The following YIPF3 variants were observed in gnomAD, a reference collection of about 807,000 sequenced individuals.
The protein encoded by YIPF3 is Yip1 domain family member 3, also known as protein YIPF3.
YIPF3 carries 18 observed loss-of-function variants against 40.3 expected under a neutral mutation model. The ratio of observed to expected loss-of-function variants is 0.45; its 90% CI spans 0.31 to 0.66. YIPF3 has a LOEUF of 0.66. YIPF3 is among the 30% of genes least tolerant of loss of function. The pLI, the probability that YIPF3 is intolerant of heterozygous loss-of-function variation, is 0.07. For synonymous variants in YIPF3, 190 were observed against 179.6 expected, an observed-to-expected ratio of 1.06 and a Z score of -0.46; for missense variants, 406 against 452.2, an observed-to-expected ratio of 0.90 and a Z score of 0.93.
intron 3 of YIPF3, chr6:43,513,936 C>G: frequency 3.8e-6 from 1 of 265,714 alleles, no homozygotes; most frequent in Non-Finnish European, 7.1e-6. Flanking sequence ...ATCCGTCTGC[C>G]CCCTCCCCTT....
chr6:43,512,131 G>A lies in YIPF3; in HGVS notation c.*36C>T, dbSNP rs1304126340. 1.9e-6 allele frequency: 3 copies of A among 1,613,632 alleles called. No individual in the cohort carries two copies. Among genetic ancestry groups the A allele is most frequent in the Non-Finnish European group, 2.5e-6 (3 of 1,179,740 alleles). The stretch of plus-strand genomic sequence containing the variant: ...AATAGTCTTCCTCCTCTCTGCAGCT[G>A]CGGGAAAGAGGACTGGCCAAGAATT... On this transcript the variant is annotated 3_prime_UTR_variant, in exon 9 of 9. Transcript: ENST00000372422.
Position 43,511,846 on chromosome 6 carries a change from C to A in YIPF3, c.*321G>T, listed in dbSNP as rs994928339. On this transcript the variant is annotated 3_prime_UTR_variant, in exon 9 of 9. Coordinates refer to ENST00000372422, the MANE Select transcript of YIPF3 (RefSeq NM_015388.4). ...AGCCGCTGCAGTTCCAGACTTCAAT[C>A]AACATTTTAATTACCAAGTCTATAT... 3.1e-6 allele frequency: 1 copy of A among 319,566 alleles called. No individual in the cohort carries two copies. Among genetic ancestry groups the A allele is most frequent in the Admixed American group, 4.7e-5 (1 of 21,206 alleles). The allele number at this position is 319,566 out of a possible 1,614,324, so 19.8% of individuals were successfully genotyped here.
At chr6:43,515,089 C>T (rs1265788207) in intron 3 of YIPF3, 5 of 342,496 alleles carry the variant, frequency 1.5e-5, no homozygotes, top group African/African-American at 1.1e-4. Context: ...GCCTCCGCCT[C>T]CCAGGTTCAT....
In YIPF3 at chr6:43,513,075, T is replaced by C. The variant is rs1792705346; in HGVS notation, c.660A>G (p.Ala220=). Residue 220 remains alanine (A), a synonymous_variant, in exon 6 of 9, where the codon GCA becomes GCG. Coordinates refer to ENST00000372422, the MANE Select transcript of YIPF3 (RefSeq NM_015388.4). The part of the protein sequence containing the change: ...NAQITMLQML[A]LLGYGLFGHC... ...ACCACACCTGGCTCCTTACCAGCAG[T>C]GCCAACATCTGCAGCATGGTGATCT... 1 of 1,613,874 alleles carries C rather than the reference T, an allele frequency of 6.2e-7. No homozygotes were observed. Among genetic ancestry groups the C allele is most frequent in the Non-Finnish European group, 8.5e-7 (1 of 1,179,998 alleles).
rs781472713 is a variant in YIPF3 at position 43,513,577 on chromosome 6, C to CCTCTATTCACCTGGGGGAAG, written c.432_441+10dup. On this transcript the variant is annotated intron_variant, in intron 4 of 8. Transcript: ENST00000372422. Reference sequence around the variant, plus strand: ...TCCCCCGGCTCTCCAGACATGCCACCCTCTATTCACCTGGGGGAAGTTGAC... The same window carrying CCTCTATTCACCTGGGGGAAG: ...TCCCCCGGCTCTCCAGACATGCCACCCTCTATTCACCTGGGGGAAGCTCTATTCACCTGGGGGAAGTTGAC... The CCTCTATTCACCTGGGGGAAG allele has an allele frequency of 3.8e-6, 6 of 1,586,518 alleles. No individual in the cohort carries two copies. The highest frequency in any genetic ancestry group is 5.1e-6 in the Non-Finnish European group (6 of 1,165,460).
rs202171290 is a variant in YIPF3, at chr6:43,512,322, G to C, written c.905-7C>G. 84 of 1,610,564 alleles carry C rather than the reference G, an allele frequency of 5.2e-5. 1 individual carries two copies. Among genetic ancestry groups the C allele is most frequent in the Middle Eastern group, 5.0e-4 (3 of 6,042 alleles). On this transcript the variant is annotated splice_polypyrimidine_tract_variant and splice_region_variant and intron_variant, in intron 8 of 8. Transcript: ENST00000372422. ...TCCAGTGTGTCCAGGATCCCTGGAA[G>C]GAAGATGGAAGGTGAGCGAGGATCA...
chr6:43,513,035 A>C (rs1358386936), intron 6 of YIPF3, 34 bp downstream of exon 6: 2 of 1,612,416 alleles, frequency 1.2e-6, no homozygotes, highest in South Asian at 2.2e-5. Context: ...ACTCTTTTTA[A>C]CATCACTCTT....
In YIPF3 at chr6:43,512,535, C is replaced by A; in HGVS notation, c.809G>T (p.Gly270Val). 3 of 1,612,320 alleles carry A rather than the reference C, an allele frequency of 1.9e-6. No individual in the cohort carries two copies. Among genetic ancestry groups the A allele is most frequent in the Non-Finnish European group, 2.5e-6 (3 of 1,179,800 alleles). The change falls in exon 8 of 9, where the codon GGC becomes GTC. Residue 270 changes from glycine (G) to valine (V), a missense_variant. Gly to Val is a moderately radical substitution (Grantham distance 109, BLOSUM62 -3). Coordinates refer to ENST00000372422, the MANE Select transcript of YIPF3 (RefSeq NM_015388.4). Reference sequence around the variant, plus strand: ...ACAGAGGAGCAGCCGCTGTGTGGGGCCCACGGTCCGAGACACCAACACTGC... The same window carrying A: ...ACAGAGGAGCAGCCGCTGTGTGGGGACCACGGTCCGAGACACCAACACTGC... ...MVAVLVSRTVGPTQRLLLCGT... is the reference protein window; with the variant it reads ...MVAVLVSRTVVPTQRLLLCGT...
Position 43,515,906 on chromosome 6 carries a change from G to A in YIPF3, c.271C>T (p.Arg91Trp). Reference protein sequence around the residue: ...GMKGFKGQLSRQVADQMWQAG... With the variant: ...GMKGFKGQLSWQVADQMWQAG... ...TTGCTTACCTGATCTGCCACCTGCC[G>A]GCTCAGCTGTCCCTTAAAGCCCTTC... is the stretch of plus-strand genomic sequence containing the variant. Residue 91 changes from arginine to tryptophan, a missense_variant, in exon 2 of 9, where the codon CGG becomes TGG. Physicochemically the swap from Arg to Trp is moderately radical, Grantham distance 101. Transcript: ENST00000372422. 1 of 1,599,390 alleles carries A rather than the reference G, an allele frequency of 6.3e-7. No individual in the cohort carries two copies. The highest frequency in any genetic ancestry group is 8.5e-7 in the Non-Finnish European group (1 of 1,170,812).
intron 3 of YIPF3, chr6:43,515,226 T>G (rs1792762608): frequency 4.4e-6 from 2 of 458,212 alleles, no homozygotes; most frequent in Admixed American, 2.4e-5. Context: ...TCTCCTGACC[T>G]TGTGATCCGC....
rs1475160128 is a variant in YIPF3, at chr6:43,513,597, G to A, written c.432C>T (p.Asn144=). Residue 144 remains asparagine, a synonymous_variant, in exon 4 of 9, where the codon AAC becomes AAT. Transcript: ENST00000372422. ...GCCACCCTCTATTCACCTGGGGGAAGTTGACCATCTTGATAGGGATCATGG... is the reference window on the plus strand; with the variant it reads ...GCCACCCTCTATTCACCTGGGGGAAATTGACCATCTTGATAGGGATCATGG... The part of the protein sequence containing the change: ...LESMIPIKMV[N]FPQKIAGELY... 1 of 1,581,816 alleles carries A rather than the reference G, an allele frequency of 6.3e-7. No homozygotes were observed. The highest frequency in any genetic ancestry group is 8.6e-7 in the Non-Finnish European group (1 of 1,163,296).
At chr6:43,513,002 C>T in intron 6 of YIPF3, 67 bp downstream of exon 6, 1 of 1,602,706 alleles carries the variant, frequency 6.2e-7, no homozygotes, top group Non-Finnish European at 8.5e-7. Context: ...GGCCCCAGGA[C>T]AGATGCCGAC....
At position 43,516,108 on chromosome 6, in the gene YIPF3, T is replaced by C; in HGVS notation, c.82-13A>G. On this transcript the variant is annotated splice_polypyrimidine_tract_variant and intron_variant, in intron 1 of 8. Transcript: ENST00000372422. ...CTGAGCCTCCGCCCTGTGAAGACAA[T>C]GGCTCCTAGAGTGCAGGACTTTTCT... 1 of 1,614,092 alleles carries C rather than the reference T, an allele frequency of 6.2e-7. No individual in the cohort carries two copies. The highest frequency in any genetic ancestry group is 8.5e-7 in the Non-Finnish European group (1 of 1,179,998).
In YIPF3 at chr6:43,515,645, G is replaced by A. The variant is rs1792794195; in HGVS notation, c.345C>T (p.Ile115=). 1 of 1,613,944 alleles carries A rather than the reference G, an allele frequency of 6.2e-7. No individual in the cohort carries two copies. Among genetic ancestry groups the A allele is most frequent in the Non-Finnish European group, 8.5e-7 (1 of 1,180,046 alleles). The change falls in exon 3 of 9, where the codon ATC becomes ATT. Residue 115 remains isoleucine, a synonymous_variant. Transcript: ENST00000372422. The part of the protein sequence containing the change: ...ASRAFSLYAN[I]DILRPYFDVE... The stretch of plus-strand genomic sequence containing the variant: ...CATCAAAGTAGGGTCTGAGGATGTC[G>A]ATGTTGGCGTACAAGCTGAAGGCCC...
chr6:43,513,812 C>T (rs564062022), intron 3 of YIPF3, 179 bp from the exon 4 acceptor site: 131 of 551,054 alleles, frequency 2.4e-4, no homozygotes, highest in Admixed American at 8.7e-4. Flanking sequence ...AAATCATTTC[C>T]TTGCCCCTAA....
intron 3 of YIPF3, among the ~76,000 whole-genome samples, chr6:43,514,318 G>A (rs1286209845): frequency 3.3e-5 from 5 of 152,176 alleles, no homozygotes; most frequent in Non-Finnish European, 5.9e-5. Context: ...TTATAATGAG[G>A]AAGCCCTGGG....
At position 43,512,188 on chromosome 6, in the gene YIPF3, C is replaced by T. The variant is rs562000430; in HGVS notation, c.1032G>A (p.Ala344=). The part of the protein sequence containing the change: ...TVLNATAKAV[A]VTLQSH ...GGGGTCAGTGTGACTGCAGGGTCACCGCAACAGCTTTGGCTGTGGCGTTGA... is the reference window on the plus strand; with the variant it reads ...GGGGTCAGTGTGACTGCAGGGTCACTGCAACAGCTTTGGCTGTGGCGTTGA... Residue 344 remains alanine (A), a synonymous_variant, in exon 9 of 9, where the codon GCG becomes GCA. Coordinates refer to ENST00000372422, the MANE Select transcript of YIPF3 (RefSeq NM_015388.4). 180 of 1,614,164 alleles carry T rather than the reference C, an allele frequency of 1.1e-4. 4 individuals are homozygous for T. The highest frequency in any genetic ancestry group is 1.0e-3 in the South Asian group (92 of 91,076).
intron 3 of YIPF3, among the ~76,000 whole-genome samples, chr6:43,514,065 C>T (rs933087639): frequency 6.6e-6 from 1 of 152,192 alleles, no homozygotes; most frequent in Non-Finnish European, 1.5e-5. Flanking sequence ...TATGGTGAAA[C>T]CCTGTCTCTA....
intron 3 of YIPF3, 134 bp downstream of exon 3, chr6:43,515,461 C>A: frequency 1.2e-6 from 1 of 809,568 alleles, no homozygotes. Flanking sequence ...GTTTCAGTGA[C>A]AGGTGCAGTG....
Sources: allele counts gnomAD v4.1 joint callset (sites outside exome capture counted in the v4.1 genomes callset), GRCh38; gene constraint gnomAD v4.1.1; transcripts MANE v1.5; gene names NCBI Gene and HGNC (gene_info 2026-07-23, HGNC 2026-07-21).